The following BARD1 variants were observed in gnomAD, a reference collection of about 807,000 sequenced individuals.
BARD1 encodes the protein BRCA1-associated RING domain protein 1.
A neutral mutation model predicts 77.0 loss-of-function variants in BARD1; 73 were observed. That is an observed-to-expected ratio of 0.95 (90% confidence interval 0.79 to 1.15). BARD1 has a LOEUF of 1.15. BARD1 is among the 50% of genes most tolerant of loss of function. The pLI is 0.00. For missense variants in BARD1, 993 were observed against 938.8 expected (o/e 1.06, Z -0.75); for synonymous variants, 384 against 338.0 (o/e 1.14, Z -1.49).
chr2:214,736,028 G>A (rs1692551757), intron 9 of BARD1, among the ~76,000 whole-genome samples: 1 of 151,920 alleles, frequency 6.6e-6, no homozygotes, highest in Non-Finnish European at 1.5e-5. Context: ...ACCCAAGGTT[G>A]CTAAGCTGAA....
intron 7 of BARD1, among the ~76,000 whole-genome samples, chr2:214,750,238 T>G (rs1693342458): frequency 6.6e-6 from 1 of 152,128 alleles, no homozygotes; most frequent in African/African-American, 2.4e-5. Flanking sequence ...TCAAACCTGG[T>G]CTCCACTACT....
Position 214,746,053 on chromosome 2 carries a change from T to C in BARD1, c.1678-199A>G, listed in dbSNP as rs1838804. On this transcript the variant is annotated intron_variant, in intron 7 of 10. Transcript: ENST00000260947. ...TATTTTTCCCTCAAGAAAATGTCAA[T>C]TGTGATAGCTCTCTATACCCAGGGC... Among the ~76,000 whole-genome samples, 41,952 of 152,120 alleles carry C rather than the reference T, an allele frequency of 0.28. 6,247 individuals are homozygous for C. The highest frequency in any genetic ancestry group is 0.4 in the South Asian group (1,922 of 4,826).
intron 1 of BARD1, among the ~76,000 whole-genome samples, chr2:214,808,462 A>G (rs2106167854): frequency 6.7e-6 from 1 of 149,408 alleles, no homozygotes; most frequent in Middle Eastern, 3.4e-3. Flanking sequence ...GCAACTAGGT[A>G]ACTTAAGTTC....
At chr2:214,808,364 G>C (rs1028094506) in intron 1 of BARD1, among the ~76,000 whole-genome samples, 2 of 152,200 alleles carry the variant, frequency 1.3e-5, no homozygotes, top group Non-Finnish European at 2.9e-5. Context: ...AGACAAGATC[G>C]TGCCACTGCA....
Position 214,743,946 on chromosome 2 carries a change from C to T in BARD1, c.1903+1121G>A, listed in dbSNP as rs894909547. Among the ~76,000 whole-genome samples, 10 of 152,224 alleles carry T rather than the reference C, an allele frequency of 6.6e-5. No individual in the cohort carries two copies. The East Asian group carries it at 1.9e-3, about 29-fold the overall frequency. On this transcript the variant is annotated intron_variant, in intron 9 of 10. Coordinates refer to ENST00000260947, the MANE Select transcript of BARD1 (RefSeq NM_000465.4). ...CATGGCCACCACTAACATCAAGATA[C>T]GCAACTGTATTGCTCCCCACATTCC... is the stretch of plus-strand genomic sequence containing the variant.
intron 3 of BARD1, among the ~76,000 whole-genome samples, chr2:214,786,861 T>A (rs1191645159): frequency 1.3e-5 from 2 of 151,964 alleles, no homozygotes; most frequent in African/African-American, 4.8e-5. Flanking sequence ...GAATGACGTA[T>A]CCATTCACAT....
chr2:214,775,124 T>C (rs1574805508), intron 4 of BARD1, among the ~76,000 whole-genome samples: 1 of 152,198 alleles, frequency 6.6e-6, no homozygotes, highest in Non-Finnish European at 1.5e-5. Flanking sequence ...TTCAACAGGG[T>C]AGCTCTTTTA....
At chr2:214,749,300 A>G (rs909668079) in intron 7 of BARD1, among the ~76,000 whole-genome samples, 10 of 152,012 alleles carry the variant, frequency 6.6e-5, no homozygotes, top group African/African-American at 2.2e-4. Context: ...TGAAGAAGAG[A>G]CTGGTAGTGG....
intron 9 of BARD1, among the ~76,000 whole-genome samples, chr2:214,744,806 T>G (rs958525921): frequency 6.6e-5 from 10 of 151,998 alleles, no homozygotes; most frequent in African/African-American, 2.4e-4. Context: ...AATTTTTTTG[T>G]ATTTTTAGTA....
chr2:214,763,937 C>A (rs4673896), intron 6 of BARD1, among the ~76,000 whole-genome samples: 63,306 of 151,938 alleles, frequency 0.42, 13,267 homozygotes, highest in South Asian at 0.5. Flanking sequence ...AGAAGACAGT[C>A]TCTAGAACAT....
At chr2:214,796,137 T>C (rs942567726) in intron 2 of BARD1, among the ~76,000 whole-genome samples, 1 of 152,220 alleles carries the variant, frequency 6.6e-6, no homozygotes, top group African/African-American at 2.4e-5. Context: ...ATATTTTCCC[T>C]GTCTCATAGG....
In BARD1 at chr2:214,792,439, A is replaced by G. The variant is rs1168791343; in HGVS notation, c.222T>C (p.Cys74=). The change falls in exon 3 of 11, where the codon TGT becomes TGC. Residue 74 remains cysteine, a synonymous_variant. Coordinates refer to ENST00000260947, the MANE Select transcript of BARD1 (RefSeq NM_000465.4). ...ATCCAGTTCCAATGCAGTCACTTAC[A>G]CAATTACTTTAAAATAATTAAAAAA... ...GGCEHIFCSN[C]VSDCIGTGCP... The G allele has an allele frequency of 6.3e-7, 1 of 1,589,724 alleles. No individual in the cohort carries two copies. The highest frequency in any genetic ancestry group is 8.5e-7 in the Non-Finnish European group (1 of 1,172,912).
Position 214,781,250 on chromosome 2 carries a change from CT to C in BARD1, c.623del (p.Lys208ArgfsTer4), listed in dbSNP as rs587780033. ...TTTGGTTGATTTCAGCTAAAGTTTTCTTTTTTTGCTTTTTTCCAGATCTTGC... is the reference window on the plus strand; with the variant it reads ...TTTGGTTGATTTCAGCTAAAGTTTTCTTTTTTGCTTTTTTCCAGATCTTGC... ...ASARSGKKQKKKTLAEINQKW... is the reference protein window; with the variant it reads ...ASARSGKKQKXKTLAEINQKW... On this transcript the variant is annotated frameshift_variant, in exon 4 of 11. Transcript: ENST00000260947. LOFTEE classifies it high-confidence loss of function. 2 of 1,594,590 alleles carry C rather than the reference CT, an allele frequency of 1.3e-6. No homozygotes were observed. The highest frequency in any genetic ancestry group is 1.2e-5 in the South Asian group (1 of 85,858).
At chr2:214,741,278 TTA>T (rs1220315523) in intron 9 of BARD1, among the ~76,000 whole-genome samples, 2 of 152,046 alleles carry the variant, frequency 1.3e-5, no homozygotes, top group Non-Finnish European at 2.9e-5. Context: ...GAGGGAAAGA[TTA>T]TTAAAGAAAA....
intron 6 of BARD1, among the ~76,000 whole-genome samples, chr2:214,761,328 A>G (rs1444715713): frequency 6.6e-6 from 1 of 151,980 alleles, no homozygotes; most frequent in East Asian, 1.9e-4. Flanking sequence ...TTTAGAAACT[A>G]TGAGTATAAT....
chr2:214,744,873 C>T (rs1273116095), intron 9 of BARD1, among the ~76,000 whole-genome samples, 194 bp downstream of exon 9: 5 of 151,876 alleles, frequency 3.3e-5, no homozygotes, highest in Admixed American at 6.6e-5. Flanking sequence ...CCTTGTGATC[C>T]GCCCACCTGG....
At position 214,809,509 on chromosome 2, in the gene BARD1, G is replaced by T. The variant is rs864622206; in HGVS notation, c.61C>A (p.Arg21Ser). The change falls in exon 1 of 11, where the codon CGT (arginine) becomes AGT (serine). Residue 21 changes from arginine to serine, a missense_variant. Physicochemically the swap from Arg to Ser is moderately radical, Grantham distance 110. Coordinates refer to ENST00000260947, the MANE Select transcript of BARD1 (RefSeq NM_000465.4). ...QPRIRSGNEP[R>S]SAPAMEPDGR... The stretch of plus-strand genomic sequence containing the variant: ...TCCGGTTCCATGGCGGGCGCGGAAC[G>T]AGGCTCGTTCCCGGAGCGGATCCTC... 6.2e-7 allele frequency: 1 copy of T among 1,601,004 alleles called. No individual in the cohort carries two copies. The highest frequency in any genetic ancestry group is 8.5e-7 in the Non-Finnish European group (1 of 1,175,564).
chr2:214,744,028 C>T (rs962650538), intron 9 of BARD1, among the ~76,000 whole-genome samples: 32 of 151,780 alleles, frequency 2.1e-4, no homozygotes, highest in African/African-American at 7.7e-4. Context: ...AATTAATAAA[C>T]AAAAAAAGGT....
At chr2:214,793,934 C>T (rs1695641458) in intron 2 of BARD1, among the ~76,000 whole-genome samples, 1 of 151,914 alleles carries the variant, frequency 6.6e-6, no homozygotes, top group Non-Finnish European at 1.5e-5. Context: ...TTTCAGATTC[C>T]ACACTGTGAT....
Sources: allele counts gnomAD v4.1 joint callset (sites outside exome capture counted in the v4.1 genomes callset), GRCh38; gene constraint gnomAD v4.1.1; transcripts MANE v1.5; gene names NCBI Gene and HGNC (gene_info 2026-07-23, HGNC 2026-07-21).